Variants in CERS5 observed in about 807,000 individuals in gnomAD.
CERS5 encodes the protein LAG1 homolog, ceramide synthase 5.
A neutral mutation model predicts 58.9 loss-of-function variants in CERS5; 37 were observed. That is an observed-to-expected ratio of 0.63 (90% CI 0.48 to 0.83). The LOEUF (loss-of-function observed/expected upper bound fraction) is 0.83, where lower values mean the gene tolerates loss of function less well. CERS5 is among the 40% of genes least tolerant of loss of function. The pLI is 0.00. For missense variants in CERS5, 398 were observed against 489.3 expected, an observed-to-expected ratio of 0.81 and a Z score of 1.76; for synonymous variants, 147 against 177.8, an observed-to-expected ratio of 0.83 and a Z score of 1.38.
In CERS5 at chr12:50,162,207, A is replaced by T. The variant is rs556972723; in HGVS notation, c.197+4894T>A. 6.3e-3 allele frequency among the ~76,000 whole-genome samples: 537 copies of T among 85,820 alleles called. 2 individuals are homozygous for T. Among genetic ancestry groups the T allele is most frequent in the South Asian group, 0.031 (106 of 3,424 alleles). The allele number at this position is 85,820 out of a possible 152,430, so 56.3% of individuals were successfully genotyped here. Reference sequence around the variant, plus strand: ...TTCTTTTTTTTTTTTTTTTTTTTTTAAATGTATATGAAGTGTGTAACAGGA... The same window carrying T: ...TTCTTTTTTTTTTTTTTTTTTTTTTTAATGTATATGAAGTGTGTAACAGGA... On this transcript the variant is annotated intron_variant, in intron 1 of 9. Coordinates refer to ENST00000317551, the MANE Select transcript of CERS5 (RefSeq NM_147190.5).
chr12:50,161,842 C>A (rs1221527681), intron 1 of CERS5, among the ~76,000 whole-genome samples: 1 of 121,664 alleles, frequency 8.2e-6, no homozygotes, highest in Non-Finnish European at 1.7e-5. Context: ...TAACTAAGAA[C>A]AGGATGAATA....
At chr12:50,156,686 AT>A (rs966245191) in intron 1 of CERS5, among the ~76,000 whole-genome samples, 1 of 152,126 alleles carries the variant, frequency 6.6e-6, no homozygotes, top group Non-Finnish European at 1.5e-5. Context: ...GTCTTCAATA[AT>A]TTTTTAAAAT....
At chr12:50,165,131 A>C (rs1030176553) in intron 1 of CERS5, 1 of 152,192 alleles carries the variant, frequency 6.6e-6, no homozygotes, top group East Asian at 1.9e-4. Context: ...GTAAAAAGAC[A>C]AAACAAGGCC....
intron 1 of CERS5, among the ~76,000 whole-genome samples, chr12:50,151,561 T>C (rs974845064): frequency 2.0e-5 from 3 of 152,176 alleles, no homozygotes; most frequent in Admixed American, 6.5e-5. Flanking sequence ...ATCTGTAAAA[T>C]GAGGATAACA....
intron 1 of CERS5, among the ~76,000 whole-genome samples, chr12:50,148,188 A>G (rs1214560149): frequency 6.6e-6 from 1 of 151,984 alleles, no homozygotes; most frequent in Non-Finnish European, 1.5e-5. Context: ...CTGTGGTCCC[A>G]GCAACTTGGG....
rs779572740 is a variant in CERS5, at chr12:50,136,032, A to T, written c.674T>A (p.Ile225Asn). 41 of 1,510,644 alleles carry T rather than the reference A, an allele frequency of 2.7e-5. No individual in the cohort carries two copies. Among genetic ancestry groups the T allele is most frequent in the Non-Finnish European group, 3.4e-5 (39 of 1,132,730 alleles). The allele number at this position is 1,510,644 out of a possible 1,614,324, so 93.6% of individuals were successfully genotyped here. The part of the protein sequence containing the change: ...LIMFVHHLVT[I>N]GLISFSYINN... Reference sequence around the variant, plus strand: ...GATGTAGGAGAAGGAGATAAGCCCAATGGTGACCAAGTGATGCACAAACAT... The same window carrying T: ...GATGTAGGAGAAGGAGATAAGCCCATTGGTGACCAAGTGATGCACAAACAT... The change falls in exon 7 of 10, where the codon ATT becomes AAT. Residue 225 changes from isoleucine (I) to asparagine (N), a missense_variant. By Grantham distance (149) the Ile-to-Asn change is moderately radical. Coordinates refer to ENST00000317551, the MANE Select transcript of CERS5 (RefSeq NM_147190.5).
At chr12:50,143,852 A>G (rs1172179277) in intron 2 of CERS5, 100 bp downstream of exon 2, 3 of 758,988 alleles carry the variant, frequency 4.0e-6, no homozygotes, top group Non-Finnish European at 7.1e-6. Context: ...GGACCATCCC[A>G]TCCTATCCTT....
chr12:50,162,597 C>T (rs1035307899), intron 1 of CERS5, among the ~76,000 whole-genome samples: 1 of 145,542 alleles, frequency 6.9e-6, no homozygotes, highest in Non-Finnish European at 1.5e-5. Flanking sequence ...ACCTCTTTAT[C>T]TCTCTCTCTC....
At position 50,141,939 on chromosome 12, in the gene CERS5, C is replaced by CAAAA. The variant is rs35739493; in HGVS notation, c.492+110_492+113dup. 646 of 408,062 alleles carry CAAAA rather than the reference C, an allele frequency of 1.6e-3. 4 individuals carry two copies. The highest frequency in any genetic ancestry group is 6.5e-3 in the South Asian group (268 of 41,360). 25.3% of individuals were successfully genotyped at this position (408,062 alleles called of 1,614,324 possible). ...TGGGTGACAGAGCAAGACTCCGTCT[C>CAAAA]AAAAAAAAAAAAAAAAAAAGAAAAG... On this transcript the variant is annotated intron_variant, in intron 4 of 9. Coordinates refer to ENST00000317551, the MANE Select transcript of CERS5 (RefSeq NM_147190.5).
intron 9 of CERS5, chr12:50,132,956 A>C (rs1951417028): frequency 7.8e-7 from 1 of 1,289,032 alleles, no homozygotes; most frequent in African/African-American, 1.5e-5. Flanking sequence ...GCACAGATAC[A>C]CTTACATGCA....
chr12:50,138,556 T>A lies in CERS5; in HGVS notation c.543+11A>T. The A allele has an allele frequency of 6.2e-7, 1 of 1,613,110 alleles. No homozygotes were observed. The highest frequency in any genetic ancestry group is 8.5e-7 in the Non-Finnish European group (1 of 1,179,152). On this transcript the variant is annotated intron_variant, in intron 5 of 9. Transcript: ENST00000317551. Reference sequence around the variant, plus strand: ...TTCAAGACCCCTATCCTGAAACGACTCAGATCCTACCTGAAATGGATAGTT... The same window carrying A: ...TTCAAGACCCCTATCCTGAAACGACACAGATCCTACCTGAAATGGATAGTT...
intron 8 of CERS5, 194 bp from the exon 9 acceptor site, chr12:50,134,896 A>G (rs909034158): frequency 3.5e-6 from 2 of 563,562 alleles, no homozygotes; most frequent in African/African-American, 4.3e-5. Context: ...CCTTAGGGAC[A>G]GAGAAAGATA....
intron 1 of CERS5, among the ~76,000 whole-genome samples, chr12:50,157,078 G>A (rs1938741719): frequency 6.6e-6 from 1 of 152,126 alleles, no homozygotes; most frequent in Non-Finnish European, 1.5e-5. Context: ...CATGGCAAGA[G>A]GCAGAAAAAC....
At position 50,138,555 on chromosome 12, in the gene CERS5, C is replaced by G. The variant is rs907330014; in HGVS notation, c.543+12G>C. 24 of 1,612,936 alleles carry G rather than the reference C, an allele frequency of 1.5e-5. No homozygotes were observed. The highest frequency in any genetic ancestry group is 1.9e-5 in the Non-Finnish European group (22 of 1,179,060). On this transcript the variant is annotated intron_variant, in intron 5 of 9. Transcript: ENST00000317551. ...ATTCAAGACCCCTATCCTGAAACGA[C>G]TCAGATCCTACCTGAAATGGATAGT... is the stretch of plus-strand genomic sequence containing the variant.
At chr12:50,149,037 TA>T (rs894392660) in intron 1 of CERS5, among the ~76,000 whole-genome samples, 3 of 150,312 alleles carry the variant, frequency 2.0e-5, no homozygotes, top group Non-Finnish European at 3.0e-5. Context: ...ATTTTTTTTC[TA>T]AAACAGTAGA....
In CERS5 at chr12:50,167,333, G is replaced by A. The variant is rs774823427; in HGVS notation, c.-36C>T. The A allele has an allele frequency of 2.0e-6, 3 of 1,465,288 alleles. No individual in the cohort carries two copies. The highest frequency in any genetic ancestry group is 1.5e-5 in the African/African-American group (1 of 67,214). 90.8% of individuals were successfully genotyped at this position (1,465,288 alleles called of 1,614,324 possible). A position where few individuals can be genotyped will look rare whatever the true frequency, so the allele number is the denominator to read the frequency against. ...CCCCGAAGCCACCGCCGCCACAAGCGTCAGCTGCCGCCACAGCCAACGGAA... is the reference window on the plus strand; with the variant it reads ...CCCCGAAGCCACCGCCGCCACAAGCATCAGCTGCCGCCACAGCCAACGGAA... On this transcript the variant is annotated 5_prime_UTR_variant, in exon 1 of 10. It adds an upstream start codon to the 5' untranslated region. Coordinates refer to ENST00000317551, the MANE Select transcript of CERS5 (RefSeq NM_147190.5).
At chr12:50,144,460 G>A (rs1360114621) in intron 1 of CERS5, 2 of 286,810 alleles carry the variant, frequency 7.0e-6, no homozygotes, top group Non-Finnish European at 1.3e-5. Flanking sequence ...AATTCAGTGA[G>A]ATAATGTATA....
intron 9 of CERS5, chr12:50,133,615 AAAAG>A: frequency 1.0e-6 from 1 of 985,482 alleles, no homozygotes; most frequent in Non-Finnish European, 1.2e-6. Context: ...CCCCATGTCA[AAAAG>A]AAAAATATGA....
intron 4 of CERS5, among the ~76,000 whole-genome samples, chr12:50,140,349 T>C (rs996912180): frequency 7.0e-6 from 1 of 143,602 alleles, no homozygotes; most frequent in African/African-American, 2.6e-5. Flanking sequence ...AGTGGCATGA[T>C]TTTGGCTCAT....
Sources: allele counts gnomAD v4.1 joint callset (sites outside exome capture counted in the v4.1 genomes callset), GRCh38; gene constraint gnomAD v4.1.1; transcripts MANE v1.5; gene names NCBI Gene and HGNC (gene_info 2026-07-23, HGNC 2026-07-21).